Variants in MAPK10 observed in about 807,000 individuals in gnomAD.
The protein encoded by MAPK10 is JNK3 alpha protein kinase.
MAPK10 carries 25 observed loss-of-function variants against 59.3 expected under a neutral mutation model. That is an observed-to-expected ratio of 0.42 (90% CI 0.31 to 0.59). The LOEUF is 0.59. MAPK10 is among the 20% of genes least tolerant of loss of function. The probability of loss-of-function intolerance (pLI) is 0.15; values close to 1 mark genes in which losing one functional copy is unlikely to be tolerated. For synonymous variants in MAPK10, 190 were observed against 200.5 expected (o/e 0.95, Z 0.44); for missense variants, 351 against 568.9 (o/e 0.62, Z 3.90).
chr4:86,191,986 C>A (rs1402785165), intron 3 of MAPK10: 1 of 152,110 alleles, frequency 6.6e-6, no homozygotes, highest in Admixed American at 6.6e-5. Context: ...AATCTCTCAG[C>A]ATTTGCTTGT....
At chr4:86,125,244 A>G (rs2059889056) in intron 4 of MAPK10, 1 of 151,914 alleles carries the variant, frequency 6.6e-6, no homozygotes, top group Non-Finnish European at 1.5e-5. Flanking sequence ...AAACTTAAGA[A>G]TAATAAATTC....
chr4:86,177,099 A>T (rs1388054451), intron 3 of MAPK10, among the ~76,000 whole-genome samples: 1 of 152,054 alleles, frequency 6.6e-6, no homozygotes, highest in Non-Finnish European at 1.5e-5. Flanking sequence ...TTAAAAAGGG[A>T]TATATAGGTT....
At chr4:86,580,965 T>C (rs1762222641) in intron 1 of MAPK10, among the ~76,000 whole-genome samples, 1 of 152,196 alleles carries the variant, frequency 6.6e-6, no homozygotes, top group East Asian at 1.9e-4. Context: ...CTGTGGCCCT[T>C]CCAAGATTCT....
intron 1 of MAPK10, among the ~76,000 whole-genome samples, chr4:86,385,476 C>T (rs1189624760): frequency 2.0e-5 from 3 of 152,150 alleles, no homozygotes; most frequent in Non-Finnish European, 4.4e-5. Context: ...CACTGCTTTG[C>T]TAACATTTCT....
At chr4:86,055,029 A>G (rs912711153) in intron 11 of MAPK10, among the ~76,000 whole-genome samples, 1 of 152,158 alleles carries the variant, frequency 6.6e-6, no homozygotes. Context: ...GAGAAAAGAG[A>G]ATCATGATGT....
intron 1 of MAPK10, among the ~76,000 whole-genome samples, chr4:86,489,102 A>C (rs1362326761): frequency 6.6e-6 from 1 of 152,190 alleles, no homozygotes; most frequent in Admixed American, 6.5e-5. Flanking sequence ...GAGGGAAGCC[A>C]TACAGGACCA....
At chr4:86,277,000 T>C (rs969514255) in intron 2 of MAPK10, 3 of 152,146 alleles carry the variant, frequency 2.0e-5, no homozygotes, top group Admixed American at 2.0e-4. Flanking sequence ...ATCTCACCAA[T>C]AGAGTTGAGA....
intron 9 of MAPK10, among the ~76,000 whole-genome samples, chr4:86,071,664 G>A (rs2149003936): frequency 6.6e-6 from 1 of 151,380 alleles, no homozygotes; most frequent in South Asian, 2.1e-4. Context: ...TTTCCCCATT[G>A]TTGTTTTTCT....
intron 1 of MAPK10, among the ~76,000 whole-genome samples, chr4:86,548,301 A>G (rs906218532): frequency 7.9e-5 from 12 of 152,080 alleles, no homozygotes; most frequent in African/African-American, 1.4e-4. Flanking sequence ...CCCCACCAGA[A>G]GGAAGAAACT....
intron 2 of MAPK10, among the ~76,000 whole-genome samples, chr4:86,307,399 G>C (rs762187600): frequency 1.3e-5 from 2 of 152,176 alleles, no homozygotes; most frequent in Non-Finnish European, 2.9e-5. Context: ...GTATGCATGA[G>C]TGTGGGAACT....
intron 1 of MAPK10, among the ~76,000 whole-genome samples, chr4:86,356,043 TCACACACACACACA>T (rs34547847): frequency 3.4e-5 from 5 of 149,114 alleles, no homozygotes; most frequent in African/African-American, 7.4e-5. Context: ...TTGTTTTTCT[TCACACACACACACA>T]CACACACACA....
At chr4:86,227,880 A>G (rs985482087) in intron 2 of MAPK10, among the ~76,000 whole-genome samples, 8 of 152,254 alleles carry the variant, frequency 5.3e-5, no homozygotes, top group Middle Eastern at 3.4e-3. Context: ...TTTTAATCAG[A>G]TATAAGACAT....
chr4:86,431,728 C>T (rs1397471412), intron 1 of MAPK10, among the ~76,000 whole-genome samples: 1 of 152,118 alleles, frequency 6.6e-6, no homozygotes, highest in Non-Finnish European at 1.5e-5. Flanking sequence ...TTATGCTGAG[C>T]AGGATGGCCA....
intron 1 of MAPK10, among the ~76,000 whole-genome samples, chr4:86,587,499 GA>G (rs1762729293): frequency 6.6e-6 from 1 of 152,178 alleles, no homozygotes; most frequent in Admixed American, 6.5e-5. Flanking sequence ...AGCACTGTCA[GA>G]ATTTGTGCTT....
At chr4:86,297,822 T>C (rs2095396748) in intron 2 of MAPK10, among the ~76,000 whole-genome samples, 1 of 152,184 alleles carries the variant, frequency 6.6e-6, no homozygotes, top group African/African-American at 2.4e-5. Flanking sequence ...ATCATTTCCC[T>C]CTGGTAACCT....
intron 1 of MAPK10, chr4:86,399,881 G>A (rs1743462827): frequency 1.3e-5 from 2 of 152,038 alleles, no homozygotes; most frequent in Admixed American, 1.3e-4. Flanking sequence ...ATGAAAACTT[G>A]ATAATGACTA....
intron 2 of MAPK10, among the ~76,000 whole-genome samples, chr4:86,354,220 A>T (rs767295093): frequency 2.5e-4 from 38 of 152,228 alleles, no homozygotes; most frequent in Non-Finnish European, 5.0e-4. Context: ...AATAAAAGTC[A>T]CTTAAAAATA....
intron 2 of MAPK10, among the ~76,000 whole-genome samples, chr4:86,248,003 C>T (rs913969842): frequency 1.3e-5 from 2 of 152,174 alleles, no homozygotes; most frequent in Non-Finnish European, 2.9e-5. Flanking sequence ...CACTTTTCTT[C>T]CCCTCAGCCA....
At chr4:86,424,657 C>T (rs531283314) in intron 1 of MAPK10, among the ~76,000 whole-genome samples, 1 of 152,116 alleles carries the variant, frequency 6.6e-6, no homozygotes, top group Non-Finnish European at 1.5e-5. Context: ...GTCTCCTTCA[C>T]AAGCCCACCC....
Sources: allele counts gnomAD v4.1 joint callset (sites outside exome capture counted in the v4.1 genomes callset), GRCh38; gene constraint gnomAD v4.1.1; transcripts MANE v1.5; gene names NCBI Gene and HGNC (gene_info 2026-07-23, HGNC 2026-07-21).